Variants in PCNX2 observed in about 807,000 individuals in gnomAD.
The protein encoded by PCNX2 is pecanex 2.
PCNX2 carries 168 observed loss-of-function variants against 223.8 expected under a neutral mutation model. That is an observed-to-expected ratio of 0.75 (90% CI 0.66 to 0.85). The LOEUF (loss-of-function observed/expected upper bound fraction) is 0.85, where lower values mean the gene tolerates loss of function less well. PCNX2 is among the 40% of genes least tolerant of loss of function. The pLI is 0.00. For missense variants in PCNX2, 2,507 were observed against 2,675.5 expected, an observed-to-expected ratio of 0.94 and a Z score of 1.39; for synonymous variants, 1,006 against 1,052.6, an observed-to-expected ratio of 0.96 and a Z score of 0.86.
chr1:233,015,674 C>T (rs1353402808), intron 27 of PCNX2, among the ~76,000 whole-genome samples: 1 of 151,964 alleles, frequency 6.6e-6, no homozygotes, highest in Non-Finnish European at 1.5e-5. Flanking sequence ...GCCTGAGCAA[C>T]AGAGCAAGAC....
intron 15 of PCNX2, among the ~76,000 whole-genome samples, chr1:233,195,013 T>C (rs1293383627): frequency 8.4e-6 from 1 of 119,152 alleles, no homozygotes. Context: ...TGAGATTCCA[T>C]CTCAAAAAAA....
intron 8 of PCNX2, among the ~76,000 whole-genome samples, chr1:233,246,263 C>A (rs989782332): frequency 6.6e-6 from 1 of 152,154 alleles, no homozygotes; most frequent in Non-Finnish European, 1.5e-5. Flanking sequence ...GATAAATGCC[C>A]TTCAGATGGG....
intron 1 of PCNX2, among the ~76,000 whole-genome samples, chr1:233,273,082 A>G (rs1660728105): frequency 1.3e-5 from 2 of 151,936 alleles, no homozygotes; most frequent in Non-Finnish European, 2.9e-5. Context: ...AAAGTCTCAC[A>G]AATCACCACT....
At position 232,986,390 on chromosome 1, in the gene PCNX2, G is replaced by A. The variant is rs1223355268; in HGVS notation, c.5942C>T (p.Ser1981Leu). 18 of 1,603,014 alleles carry A rather than the reference G, an allele frequency of 1.1e-5. No individual in the cohort carries two copies. The highest frequency in any genetic ancestry group is 2.2e-5 in the East Asian group (1 of 44,524). The part of the protein sequence containing the change: ...TSVHELAQRL[S>L]GSRLSLHASA... ...GGCGTGCAAGGAGAGCCGGCTGCCCGAGAGCCTCTGGGCCAGCTCGTGCAC... is the reference window on the plus strand; with the variant it reads ...GGCGTGCAAGGAGAGCCGGCTGCCCAAGAGCCTCTGGGCCAGCTCGTGCAC... The change falls in exon 33 of 34, where the codon TCG becomes TTG. Residue 1981 changes from serine (S) to leucine (L), a missense_variant. By Grantham distance (145) the Ser-to-Leu change is moderately radical. Transcript: ENST00000258229.
intron 10 of PCNX2, among the ~76,000 whole-genome samples, chr1:233,221,705 G>C (rs1657389615): frequency 6.6e-6 from 1 of 152,182 alleles, no homozygotes; most frequent in South Asian, 2.1e-4. Context: ...AGCTCACATG[G>C]CTGGGGAATA....
intron 13 of PCNX2, among the ~76,000 whole-genome samples, chr1:233,207,227 C>A (rs74555550): frequency 0.021 from 3,248 of 152,128 alleles, 119 homozygotes; most frequent in African/African-American, 0.072. Flanking sequence ...ATAAGGAGCA[C>A]AAACAAAGCT....
chr1:233,290,935 G>T, intron 1 of PCNX2: 1 of 985,410 alleles, frequency 1.0e-6, no homozygotes, highest in Non-Finnish European at 1.2e-6. Context: ...TGCCCGGCAT[G>T]GGGTCTTGAA....
the PCNX2 span, among the ~76,000 whole-genome samples, chr1:233,312,015 TACTTG>T: frequency 2.6e-5 from 4 of 152,026 alleles, no homozygotes; most frequent in Non-Finnish European, 5.9e-5. Flanking sequence ...TAGTCCCAGC[TACTTG>T]AGAGGCTGAG....
intron 21 of PCNX2, among the ~76,000 whole-genome samples, chr1:233,117,777 G>A (rs1001403058): frequency 8.6e-5 from 13 of 151,690 alleles, no homozygotes; most frequent in African/African-American, 2.9e-4. Flanking sequence ...TTGGGAGGCC[G>A]AGGCGGGCGG....
chr1:233,316,243 G>T, the PCNX2 span, among the ~76,000 whole-genome samples: 1 of 152,206 alleles, frequency 6.6e-6, no homozygotes, highest in African/African-American at 2.4e-5. Flanking sequence ...AAGCTGAAAG[G>T]TAGCTGAAGC....
intron 21 of PCNX2, among the ~76,000 whole-genome samples, chr1:233,098,785 A>C (rs1029931327): frequency 6.6e-6 from 1 of 152,200 alleles, no homozygotes; most frequent in Admixed American, 6.5e-5. Context: ...ACGCTGCCTG[A>C]GTTTGAATCC....
intron 25 of PCNX2, among the ~76,000 whole-genome samples, chr1:233,049,380 A>G (rs1671920509): frequency 6.6e-6 from 1 of 152,232 alleles, no homozygotes; most frequent in Non-Finnish European, 1.5e-5. Context: ...ATTAAAAACA[A>G]AAACCACATG....
At chr1:233,240,934 C>T (rs1211972956) in intron 8 of PCNX2, among the ~76,000 whole-genome samples, 1 of 152,208 alleles carries the variant, frequency 6.6e-6, no homozygotes, top group Non-Finnish European at 1.5e-5. Flanking sequence ...AATTCTTCAT[C>T]TTCCCCAGAG....
chr1:233,222,804 G>C (rs1657466511), intron 10 of PCNX2, among the ~76,000 whole-genome samples: 1 of 152,156 alleles, frequency 6.6e-6, no homozygotes, highest in African/African-American at 2.4e-5. Flanking sequence ...ACCTGAGATG[G>C]GGAAGACCAC....
At chr1:232,998,899 C>T (rs757983896) in intron 31 of PCNX2, among the ~76,000 whole-genome samples, 2 of 152,202 alleles carry the variant, frequency 1.3e-5, no homozygotes, top group African/African-American at 2.4e-5. Flanking sequence ...AAGAGATTCT[C>T]ATCCATATGA....
chr1:233,144,970 C>CT (rs71173253), intron 19 of PCNX2, among the ~76,000 whole-genome samples: 88 of 113,452 alleles, frequency 7.8e-4, no homozygotes, highest in African/African-American at 1.2e-3. Context: ...TTTTTTGTTT[C>CT]TTTTTTTTTT....
intron 17 of PCNX2, among the ~76,000 whole-genome samples, chr1:233,161,572 A>G (rs1678482607): frequency 6.6e-6 from 1 of 151,978 alleles, no homozygotes; most frequent in Non-Finnish European, 1.5e-5. Flanking sequence ...GGGCTGGGGG[A>G]GAGTGGTGGG....
intron 25 of PCNX2, among the ~76,000 whole-genome samples, chr1:233,027,485 A>G (rs1447057986): frequency 1.3e-5 from 2 of 152,182 alleles, no homozygotes; most frequent in Non-Finnish European, 2.9e-5. Context: ...TTTTCCAAAG[A>G]AGCATCACTT....
intron 15 of PCNX2, among the ~76,000 whole-genome samples, chr1:233,196,699 TACTA>T (rs1572057489): frequency 6.6e-6 from 1 of 152,102 alleles, no homozygotes; most frequent in African/African-American, 2.4e-5. Context: ...AACCTGACAG[TACTA>T]ACTGTCAGCA....
Sources: allele counts gnomAD v4.1 joint callset (sites outside exome capture counted in the v4.1 genomes callset), GRCh38; gene constraint gnomAD v4.1.1; transcripts MANE v1.5; gene names NCBI Gene and HGNC (gene_info 2026-07-23, HGNC 2026-07-21).